SNX4: variants seen among roughly 807,000 people sequenced by gnomAD.
The protein encoded by SNX4 is sorting nexin 4.
Under a neutral mutation model 70.8 loss-of-function variants are expected in SNX4, and 49 were observed. The ratio of observed to expected loss-of-function variants is 0.69; its 90% CI spans 0.55 to 0.88. SNX4 has a LOEUF of 0.88. Among genes scored for constraint, SNX4 ranks in the 40% least tolerant of loss-of-function variants. SNX4 has a pLI of 0.00. For missense variants in SNX4, 528 were observed against 544.8 expected, an observed-to-expected ratio of 0.97 and a Z score of 0.31; for synonymous variants, 206 against 183.8, an observed-to-expected ratio of 1.12 and a Z score of -0.98.
intron 9 of SNX4, among the ~76,000 whole-genome samples, chr3:125,461,863 G>A (rs555965752): frequency 5.3e-5 from 8 of 152,122 alleles, no homozygotes; most frequent in South Asian, 2.1e-4. Context: ...GGGTTTCACC[G>A]TGTTAGCCAG....
intron 7 of SNX4, among the ~76,000 whole-genome samples, chr3:125,478,729 G>A (rs1003485908): frequency 1.3e-5 from 2 of 151,510 alleles, no homozygotes; most frequent in Non-Finnish European, 2.9e-5. Flanking sequence ...AAGAGAAGTT[G>A]CTGAAAAACC....
At chr3:125,463,762 C>T (rs1372347931) in intron 9 of SNX4, among the ~76,000 whole-genome samples, 1 of 152,058 alleles carries the variant, frequency 6.6e-6, no homozygotes, top group African/African-American at 2.4e-5. Context: ...ATTAACATAT[C>T]CATCACCTGA....
intron 2 of SNX4, among the ~76,000 whole-genome samples, chr3:125,500,080 C>CA (rs59600453): frequency 0.022 from 3,123 of 140,092 alleles, 77 homozygotes; most frequent in African/African-American, 0.053. Flanking sequence ...AAACAAACAC[C>CA]AAAAAAAAAA....
chr3:125,471,645 AC>A (rs1239847886), intron 8 of SNX4, among the ~76,000 whole-genome samples: 7 of 152,218 alleles, frequency 4.6e-5, no homozygotes, highest in Admixed American at 6.5e-5. Context: ...AATTAACAGA[AC>A]ACAACATTTT....
At chr3:125,457,001 T>G (rs919123277) in intron 11 of SNX4, among the ~76,000 whole-genome samples, 4 of 152,052 alleles carry the variant, frequency 2.6e-5, no homozygotes, top group South Asian at 2.1e-4. Context: ...CGGATGATAC[T>G]GATTACACCA....
At chr3:125,467,401 C>A (rs995045752) in intron 9 of SNX4, among the ~76,000 whole-genome samples, 8 of 151,192 alleles carry the variant, frequency 5.3e-5, no homozygotes, top group African/African-American at 1.9e-4. Context: ...AAAATGAAAA[C>A]AAAAATAAAC....
At chr3:125,496,132 A>C (rs1003326337) in intron 5 of SNX4, among the ~76,000 whole-genome samples, 10 of 152,152 alleles carry the variant, frequency 6.6e-5, no homozygotes, top group Non-Finnish European at 1.3e-4. Context: ...TCTACAAAAG[A>C]AAAATTTTAA....
intron 9 of SNX4, among the ~76,000 whole-genome samples, chr3:125,463,148 G>T (rs1933926303): frequency 1.3e-5 from 2 of 152,146 alleles, no homozygotes; most frequent in African/African-American, 2.4e-5. Flanking sequence ...ACAAAACTAT[G>T]CTAAGGGTCA....
At chr3:125,519,832 C>A (rs1436976436) in intron 1 of SNX4, among the ~76,000 whole-genome samples, 200 bp downstream of exon 1, 1 of 152,114 alleles carries the variant, frequency 6.6e-6, no homozygotes, top group African/African-American at 2.4e-5. Context: ...GCTCGCCCCA[C>A]ACCCAGCACC....
At chr3:125,450,086 AAAG>A (rs1933536533) in intron 13 of SNX4, among the ~76,000 whole-genome samples, 1 of 152,160 alleles carries the variant, frequency 6.6e-6, no homozygotes, top group Admixed American at 6.6e-5. Context: ...TTCAACAAAA[AAAG>A]AAGAAAAAAG....
At chr3:125,519,975 CCCGG>C in intron 1 of SNX4, 53 bp downstream of exon 1, 2 of 1,456,608 alleles carry the variant, frequency 1.4e-6, no homozygotes, top group Non-Finnish European at 1.8e-6. Context: ...CCCAGCCCAG[CCCGG>C]CCCGCTAGGC....
chr3:125,451,746 C>T (rs567355328), intron 12 of SNX4, among the ~76,000 whole-genome samples: 7 of 151,984 alleles, frequency 4.6e-5, no homozygotes, highest in Admixed American at 4.6e-4. Flanking sequence ...CCTGCCTTAG[C>T]CTCCTGAGTA....
chr3:125,464,443 C>T (rs1270841620), intron 9 of SNX4, among the ~76,000 whole-genome samples: 1 of 150,572 alleles, frequency 6.6e-6, no homozygotes, highest in Non-Finnish European at 1.5e-5. Flanking sequence ...TAAGATAAGG[C>T]TCAAGGTTTT....
intron 1 of SNX4, among the ~76,000 whole-genome samples, chr3:125,513,671 T>C (rs1935215470): frequency 6.6e-6 from 1 of 152,228 alleles, no homozygotes; most frequent in Admixed American, 6.5e-5. Flanking sequence ...ACCTTTTTTC[T>C]AGGCGTGATG....
intron 1 of SNX4, among the ~76,000 whole-genome samples, chr3:125,511,916 A>C (rs2107572894): frequency 6.6e-6 from 1 of 152,282 alleles, no homozygotes; most frequent in African/African-American, 2.4e-5. Context: ...AAAACAGATG[A>C]TACACTACAC....
intron 5 of SNX4, among the ~76,000 whole-genome samples, chr3:125,493,137 C>G (rs1934698879): frequency 6.6e-6 from 1 of 151,948 alleles, no homozygotes; most frequent in South Asian, 2.1e-4. Context: ...TAAATAGAAA[C>G]AGAGTCTTGC....
At chr3:125,450,523 G>A (rs1326273176) in intron 13 of SNX4, among the ~76,000 whole-genome samples, 1 of 152,170 alleles carries the variant, frequency 6.6e-6, no homozygotes, top group Non-Finnish European at 1.5e-5. Flanking sequence ...CTGAGATAAT[G>A]CATGTAAAAG....
At chr3:125,455,645 A>T (rs1019744660) in intron 11 of SNX4, among the ~76,000 whole-genome samples, 1 of 152,314 alleles carries the variant, frequency 6.6e-6, no homozygotes, top group South Asian at 2.1e-4. Flanking sequence ...CCTGGTCACA[A>T]GTCTTTCCCC....
chr3:125,489,635 A>G lies in SNX4; in HGVS notation c.598-172T>C, dbSNP rs116163200. On this transcript the variant is annotated intron_variant, in intron 5 of 13. Coordinates refer to ENST00000251775, the MANE Select transcript of SNX4 (RefSeq NM_003794.4). ...TAGCTTAGTAATTATTTTTGAAAAC[A>G]CTACAAAAACATACTATAAAATAGA... Among the ~76,000 whole-genome samples the G allele has an allele frequency of 1.7e-3, 266 of 152,374 alleles. 1 individual carries two copies. The highest frequency in any genetic ancestry group is 2.7e-3 in the Non-Finnish European group (187 of 68,042).
Sources: gnomAD v4.1 joint callset for allele counts (sites outside exome capture counted in the v4.1 genomes callset) on GRCh38, gnomAD v4.1.1 for gene constraint, MANE v1.5 for transcripts, NCBI Gene and HGNC (gene_info 2026-07-23, HGNC 2026-07-21) for gene names.